The following MAGI2 variants were observed in gnomAD, a reference collection of about 807,000 sequenced individuals.
MAGI2 encodes the protein membrane-associated guanylate kinase, WW and PDZ domain-containing protein 2.
A neutral mutation model predicts 133.3 loss-of-function variants in MAGI2; 35 were observed. The ratio of observed to expected loss-of-function variants is 0.26; its 90% CI spans 0.20 to 0.35. The LOEUF is 0.35. Among genes scored for constraint, MAGI2 ranks in the 10% least tolerant of loss-of-function variants. The pLI, the probability that MAGI2 is intolerant of heterozygous loss-of-function variation, is 1.00. For missense variants in MAGI2, 1,636 were observed against 1,863.4 expected, an observed-to-expected ratio of 0.88 and a Z score of 2.25; for synonymous variants, 729 against 710.6, an observed-to-expected ratio of 1.03 and a Z score of -0.41.
At chr7:78,667,350 G>GT (rs34698367) in intron 2 of MAGI2, among the ~76,000 whole-genome samples, 10,708 of 139,230 alleles carry the variant, frequency 0.077, 494 homozygotes, top group African/African-American at 0.13. Flanking sequence ...AACCAATTGG[G>GT]TTTTTTTTTT....
chr7:78,357,582 A>G (rs1013370116), intron 7 of MAGI2, among the ~76,000 whole-genome samples: 8 of 152,244 alleles, frequency 5.3e-5, no homozygotes, highest in Non-Finnish European at 1.2e-4. Flanking sequence ...GGCCCTGTCA[A>G]CCTTCATAGC....
intron 18 of MAGI2, among the ~76,000 whole-genome samples, chr7:78,128,281 A>G (rs3807719): frequency 0.86 from 130,370 of 152,176 alleles, 56,239 homozygotes; most frequent in African/African-American, 0.91. Flanking sequence ...GAAATAGCCA[A>G]TCCCTACCAT....
At chr7:78,050,350 T>A (rs540958392) in intron 21 of MAGI2, among the ~76,000 whole-genome samples, 1 of 152,340 alleles carries the variant, frequency 6.6e-6, no homozygotes, top group East Asian at 1.9e-4. Flanking sequence ...TTTATTTATT[T>A]AGTCTCATTT....
At chr7:78,229,939 T>C (rs1789790774) in intron 10 of MAGI2, among the ~76,000 whole-genome samples, 1 of 152,212 alleles carries the variant, frequency 6.6e-6, no homozygotes, top group Admixed American at 6.5e-5. Context: ...CAGGGATTAG[T>C]GACCCACAGA....
chr7:78,646,207 G>A (rs1314388821), intron 2 of MAGI2, among the ~76,000 whole-genome samples: 1 of 152,046 alleles, frequency 6.6e-6, no homozygotes, highest in African/African-American at 2.4e-5. Context: ...GAAAAGATCT[G>A]GGCAAAGATA....
chr7:79,285,985 T>C (rs1367998956), intron 1 of MAGI2, among the ~76,000 whole-genome samples: 2 of 152,146 alleles, frequency 1.3e-5, no homozygotes, highest in Non-Finnish European at 2.9e-5. Context: ...GTAAATCTTC[T>C]GACTTCATGG....
chr7:78,175,213 T>C (rs1584265949), intron 14 of MAGI2, among the ~76,000 whole-genome samples: 1 of 152,124 alleles, frequency 6.6e-6, no homozygotes, highest in African/African-American at 2.4e-5. Flanking sequence ...CTTGTAGTTG[T>C]CAAGAATAAC....
At chr7:78,990,194 G>C (rs1205759157) in intron 2 of MAGI2, among the ~76,000 whole-genome samples, 1 of 151,956 alleles carries the variant, frequency 6.6e-6, no homozygotes, top group Admixed American at 6.6e-5. Flanking sequence ...ATGAAACTGA[G>C]TCATAGAGAG....
At chr7:79,080,211 T>C (rs1815921890) in intron 1 of MAGI2, among the ~76,000 whole-genome samples, 1 of 152,140 alleles carries the variant, frequency 6.6e-6, no homozygotes, top group Non-Finnish European at 1.5e-5. Context: ...TATATTGATA[T>C]CATAAAAGAC....
intron 21 of MAGI2, among the ~76,000 whole-genome samples, chr7:78,036,127 T>C (rs1293721613): frequency 6.6e-6 from 1 of 152,150 alleles, no homozygotes; most frequent in African/African-American, 2.4e-5. Context: ...GGATTACCTA[T>C]TGAATGAATT....
intron 2 of MAGI2, among the ~76,000 whole-genome samples, chr7:78,795,100 T>G (rs1787495764): frequency 6.6e-6 from 1 of 152,076 alleles, no homozygotes; most frequent in Admixed American, 6.6e-5. Flanking sequence ...TAAAGAGCAT[T>G]CAAATTGGAA....
chr7:79,287,169 A>G (rs1006588050), intron 1 of MAGI2, among the ~76,000 whole-genome samples: 6 of 152,102 alleles, frequency 3.9e-5, no homozygotes, highest in Admixed American at 2.0e-4. Context: ...ATGCAATCTC[A>G]GACCTCATCC....
chr7:78,849,048 T>A (rs1334760684), intron 2 of MAGI2, among the ~76,000 whole-genome samples: 1 of 152,098 alleles, frequency 6.6e-6, no homozygotes, highest in East Asian at 1.9e-4. Flanking sequence ...ACATTGCTTT[T>A]TATGCAAATT....
intron 1 of MAGI2, among the ~76,000 whole-genome samples, chr7:79,444,138 A>G (rs1461345392): frequency 2.0e-5 from 3 of 152,214 alleles, no homozygotes; most frequent in African/African-American, 7.2e-5. Context: ...AACTCTCAAT[A>G]AATTAGGTAT....
intron 1 of MAGI2, among the ~76,000 whole-genome samples, chr7:79,402,349 T>A (rs1296270569): frequency 6.6e-6 from 1 of 152,136 alleles, no homozygotes; most frequent in Non-Finnish European, 1.5e-5. Context: ...AAAACTGAAG[T>A]TCAGAGACAG....
chr7:79,093,503 T>C (rs2129542689), intron 1 of MAGI2, among the ~76,000 whole-genome samples: 1 of 152,256 alleles, frequency 6.6e-6, no homozygotes, highest in South Asian at 2.1e-4. Context: ...AATAGCATCA[T>C]GTCTTTAAAA....
intron 10 of MAGI2, among the ~76,000 whole-genome samples, chr7:78,222,011 C>T (rs967891140): frequency 4.0e-5 from 6 of 151,830 alleles, no homozygotes; most frequent in African/African-American, 1.4e-4. Context: ...GATTGCATGA[C>T]TGTACTTCAG....
At position 79,111,629 on chromosome 7, in the gene MAGI2, C is replaced by T. The variant is rs148579133; in HGVS notation, c.302-104423G>A. Among the ~76,000 whole-genome samples the T allele has an allele frequency of 2.0e-5, 3 of 152,020 alleles. No homozygotes were observed. The East Asian group carries it at 5.8e-4, about 29-fold the overall frequency. On this transcript the variant is annotated intron_variant, in intron 1 of 21. Coordinates refer to ENST00000354212, the MANE Select transcript of MAGI2 (RefSeq NM_012301.4). ...TGGAAGCTCGGAGATAGTAACTTTC[C>T]CAAGGGTACACAGTTGTCCAAATAG... is the stretch of plus-strand genomic sequence containing the variant.
chr7:78,839,706 A>G (rs1304558054), intron 2 of MAGI2, among the ~76,000 whole-genome samples: 4 of 152,076 alleles, frequency 2.6e-5, no homozygotes, highest in Non-Finnish European at 5.9e-5. Context: ...CCTGGGGGAA[A>G]TTGCCTCCCA....
Sources: allele counts gnomAD v4.1 joint callset (sites outside exome capture counted in the v4.1 genomes callset), GRCh38; gene constraint gnomAD v4.1.1; transcripts MANE v1.5; gene names NCBI Gene and HGNC (gene_info 2026-07-23, HGNC 2026-07-21).